The following MSTO1 variants were observed in gnomAD, a reference collection of about 807,000 sequenced individuals.
MSTO1 encodes the protein protein misato homolog 1.
In MSTO1, 24 loss-of-function variants were observed where a neutral mutation model predicts 55.7. The observed-to-expected ratio is 0.43, with a 90% CI of 0.31 to 0.61. The LOEUF is 0.61. Ranked by LOEUF, MSTO1 falls within the 20% of genes least tolerant of loss-of-function variation. The pLI is 0.09. For missense variants in MSTO1, 363 were observed against 625.7 expected, an observed-to-expected ratio of 0.58 and a Z score of 4.48; for synonymous variants, 162 against 252.8, an observed-to-expected ratio of 0.64 and a Z score of 3.41.
the MSTO1 span, among the ~76,000 whole-genome samples, chr1:155,580,387 T>C: frequency 6.6e-6 from 1 of 151,740 alleles, no homozygotes. Flanking sequence ...AAAAATAAAT[T>C]AGCCAGGCGT....
chr1:155,576,857 T>G, the MSTO1 span, among the ~76,000 whole-genome samples: 5,602 of 146,920 alleles, frequency 0.038, 368 homozygotes, highest in African/African-American at 0.14. Context: ...CTACTAAAAA[T>G]ACAAAAAATT....
At chr1:155,598,524 T>C in the MSTO1 span, among the ~76,000 whole-genome samples, 1 of 152,096 alleles carries the variant, frequency 6.6e-6, no homozygotes, top group African/African-American at 2.4e-5. Flanking sequence ...GAGTTCAAGA[T>C]GAGCCTGGTC....
chr1:155,599,517 G>A, the MSTO1 span, among the ~76,000 whole-genome samples: 1 of 152,250 alleles, frequency 6.6e-6, no homozygotes, highest in African/African-American at 2.4e-5. Flanking sequence ...CAAAACTTAA[G>A]GGATATTACA....
chr1:155,604,665 C>T, the MSTO1 span, among the ~76,000 whole-genome samples: 374 of 152,114 alleles, frequency 2.5e-3, no homozygotes, highest in Middle Eastern at 0.01. Flanking sequence ...TGCTTGAGCC[C>T]AGGACTTCAA....
At chr1:155,589,436 A>C in the MSTO1 span, among the ~76,000 whole-genome samples, 2 of 151,948 alleles carry the variant, frequency 1.3e-5, no homozygotes, top group African/African-American at 4.8e-5. Flanking sequence ...GGTTCTCTAC[A>C]GGGATAGCAC....
In MSTO1 at chr1:155,614,682, C is replaced by T; in HGVS notation, c.*409C>T. 6.4e-7 allele frequency: 1 copy of T among 1,551,906 alleles called. No individual in the cohort carries two copies. Among genetic ancestry groups the T allele is most frequent in the Non-Finnish European group, 8.9e-7 (1 of 1,124,388 alleles). ...TACCCGCCTCCCCGGTGCCAGGGCGCCTGTTGGGTTTGGTCCTGTGTAGAT... is the reference window on the plus strand; with the variant it reads ...TACCCGCCTCCCCGGTGCCAGGGCGTCTGTTGGGTTTGGTCCTGTGTAGAT... On this transcript the variant is annotated 3_prime_UTR_variant, in exon 14 of 14. Transcript: ENST00000245564.
At chr1:155,609,090 G>A (rs2148978246), upstream of MSTO1, among the ~76,000 whole-genome samples, 1 of 151,560 alleles carries the variant, frequency 6.6e-6, no homozygotes, top group Admixed American at 6.6e-5. Context: ...GCCTCCCAAA[G>A]TGTTGGGATT....
chr1:155,614,655 A>G lies in MSTO1; in HGVS notation c.*382A>G. On this transcript the variant is annotated 3_prime_UTR_variant, in exon 14 of 14. Coordinates refer to ENST00000245564, the MANE Select transcript of MSTO1 (RefSeq NM_018116.4). ...TCAAGGACTGTACAAGCAGAGTACA[A>G]CTACCCGCCTCCCCGGTGCCAGGGC... 1.4e-6 allele frequency: 2 copies of G among 1,462,986 alleles called. No homozygotes were observed. The highest frequency in any genetic ancestry group is 1.9e-6 in the Non-Finnish European group (2 of 1,045,048). 90.6% of individuals were successfully genotyped at this position (1,462,986 alleles called of 1,614,324 possible).
At chr1:155,570,659 A>G in the MSTO1 span, among the ~76,000 whole-genome samples, 1 of 152,292 alleles carries the variant, frequency 6.6e-6, no homozygotes, top group Non-Finnish European at 1.5e-5. Flanking sequence ...TAACTTTTGT[A>G]TGGTATATTG....
At chr1:155,598,507 T>C in the MSTO1 span, among the ~76,000 whole-genome samples, 1 of 152,098 alleles carries the variant, frequency 6.6e-6, no homozygotes, top group African/African-American at 2.4e-5. Context: ...AAACCACTTT[T>C]GGCCAAGAGT....
upstream of MSTO1, among the ~76,000 whole-genome samples, chr1:155,605,479 A>G (rs1361601744): frequency 3.3e-5 from 5 of 152,150 alleles, no homozygotes; most frequent in Admixed American, 6.6e-5. Flanking sequence ...CTCCTATACT[A>G]ATACAGAACT....
chr1:155,578,924 A>G, the MSTO1 span, among the ~76,000 whole-genome samples: 1,073 of 150,432 alleles, frequency 7.1e-3, 4 homozygotes, highest in Non-Finnish European at 0.012. Context: ...CGGCCTCCCA[A>G]AGTGCTGGGA....
chr1:155,609,911 C>T (rs1673448105), upstream of MSTO1: 1 of 346,174 alleles, frequency 2.9e-6, no homozygotes, highest in Non-Finnish European at 5.4e-6. Context: ...AGGGATAAGA[C>T]CTCAAGACAA....
At chr1:155,588,876 A>C in the MSTO1 span, among the ~76,000 whole-genome samples, 1 of 152,176 alleles carries the variant, frequency 6.6e-6, no homozygotes, top group African/African-American at 2.4e-5. Context: ...CTCTCCCTGC[A>C]TGTGCCCCCT....
the MSTO1 span, chr1:155,590,592 A>C: frequency 7.9e-7 from 1 of 1,272,800 alleles, no homozygotes; most frequent in Non-Finnish European, 1.1e-6. Context: ...GCCCCCATTC[A>C]CTTCCATGTC....
At chr1:155,564,462 C>G in the MSTO1 span, among the ~76,000 whole-genome samples, 1 of 152,234 alleles carries the variant, frequency 6.6e-6, no homozygotes, top group South Asian at 2.1e-4. Context: ...CCATTGCACT[C>G]CAGCCTGGGC....
chr1:155,608,727 C>T (rs1479691336), upstream of MSTO1, among the ~76,000 whole-genome samples: 2 of 151,848 alleles, frequency 1.3e-5, no homozygotes, highest in African/African-American at 4.8e-5. Flanking sequence ...TGGTCTCGAT[C>T]TCCTGACCTC....
the MSTO1 span, among the ~76,000 whole-genome samples, chr1:155,587,413 C>CAGGG: frequency 7.5e-6 from 1 of 133,598 alleles, no homozygotes; most frequent in Admixed American, 8.5e-5. Context: ...GCACTGAAGC[C>CAGGG]TGGACAACAA....
chr1:155,563,624 C>A, the MSTO1 span: 6 of 455,720 alleles, frequency 1.3e-5, no homozygotes, highest in East Asian at 3.4e-4. Flanking sequence ...CGTTAGACAG[C>A]CTGGTGATGG....
Sources: allele counts gnomAD v4.1 joint callset (sites outside exome capture counted in the v4.1 genomes callset), GRCh38; gene constraint gnomAD v4.1.1; transcripts MANE v1.5; gene names NCBI Gene and HGNC (gene_info 2026-07-23, HGNC 2026-07-21).